The following MYH6 variants were observed in gnomAD, a reference collection of about 807,000 sequenced individuals.
MYH6 encodes myosin heavy chain 6.
A neutral mutation model predicts 223.2 loss-of-function variants in MYH6; 126 were observed. That is an observed-to-expected ratio of 0.56 (90% confidence interval 0.49 to 0.65). MYH6 has a LOEUF of 0.65. Ranked by LOEUF, MYH6 falls within the 30% of genes least tolerant of loss-of-function variation. The pLI is 0.00. For synonymous variants in MYH6, 978 were observed against 1,010.2 expected (o/e 0.97, Z 0.61); for missense variants, 2,040 against 2,536.4 (o/e 0.80, Z 4.20).
intron 33 of MYH6, 30 bp downstream of exon 33, chr14:23,386,285 C>A (rs774744693): frequency 4.0e-5 from 64 of 1,613,908 alleles, no homozygotes; most frequent in Non-Finnish European, 1.8e-5. Context: ...GGAGGCCAGT[C>A]CCCTGAGGGG....
rs1487300978 is a variant in MYH6, at chr14:23,396,726, C to A, written c.2260G>T (p.Asp754Tyr). 1 of 1,614,002 alleles carries A rather than the reference C, an allele frequency of 6.2e-7. No individual in the cohort carries two copies. Among genetic ancestry groups the A allele is most frequent in the Non-Finnish European group, 8.5e-7 (1 of 1,179,878 alleles). ...TEKLLSSLDI[D>Y]HNQYKFGHTK... Reference sequence around the variant, plus strand: ...TGGCCAAACTTGTACTGGTTGTGATCAATGTCCAGAGAGCTGAGCAGCTTC... The same window carrying A: ...TGGCCAAACTTGTACTGGTTGTGATAAATGTCCAGAGAGCTGAGCAGCTTC... Residue 754 changes from aspartate (D) to tyrosine (Y), a missense_variant, in exon 19 of 39, where the codon GAT becomes TAT. Around this residue, in one of 4 missense-constraint regions of MYH6, gnomAD observed 649 missense variants for 877.3 expected, o/e 0.74. Coordinates refer to ENST00000405093, the MANE Select transcript of MYH6 (RefSeq NM_002471.4).
At chr14:23,382,088 G>T in intron 38 of MYH6, 25 bp from the exon 39 acceptor site, 1 of 1,604,594 alleles carries the variant, frequency 6.2e-7, no homozygotes, top group Non-Finnish European at 8.5e-7. Context: ...AGAGGTGTGA[G>T]GGGGCAGCTG....
intron 36 of MYH6, 101 bp downstream of exon 36, chr14:23,384,341 A>T: frequency 6.4e-7 from 1 of 1,554,442 alleles, no homozygotes; most frequent in Non-Finnish European, 8.8e-7. Context: ...ATCTACCAAC[A>T]GCATCTCAAG....
Position 23,404,822 on chromosome 14 carries a change from C to T in MYH6, c.531G>A (p.Thr177=), listed in dbSNP as rs1891730657. The change falls in exon 7 of 39, where the codon ACG becomes ACA. Residue 177 remains threonine, a splice_region_variant and synonymous_variant. Transcript: ENST00000405093. ...CAGTCTTCCCCGCCCCGGATTCTCCCCTGGGGGCCACAGAGACCAATCAAA... is the reference window on the plus strand; with the variant it reads ...CAGTCTTCCCCGCCCCGGATTCTCCTCTGGGGGCCACAGAGACCAATCAAA... ...TDRENQSILI[T]GESGAGKTVN... The T allele has an allele frequency of 1.9e-6, 3 of 1,613,604 alleles. No individual in the cohort carries two copies. Among genetic ancestry groups the T allele is most frequent in the Non-Finnish European group, 2.5e-6 (3 of 1,179,490 alleles).
chr14:23,401,303 G>A (rs1173216696), intron 12 of MYH6, among the ~76,000 whole-genome samples: 3 of 152,248 alleles, frequency 2.0e-5, no homozygotes, highest in Non-Finnish European at 2.9e-5. Flanking sequence ...CACTGCACCT[G>A]GCCTGAGTGA....
intron 25 of MYH6, 135 bp downstream of exon 25, chr14:23,392,427 G>C: frequency 1.3e-6 from 1 of 785,838 alleles, no homozygotes; most frequent in Non-Finnish European, 2.3e-6. Context: ...CTGAGCGCCT[G>C]TAAGTCAGGG....
In MYH6 at chr14:23,389,059, GGGA is replaced by G. The variant is rs397516764; in HGVS notation, c.3979-7_3979-5del. ...CATGGGCCAGGGCGTTCTTCGCCTG[GGGA>G]GGGGGGGGGGCACCAGGAGGTGGGA... On this transcript the variant is annotated splice_polypyrimidine_tract_variant and splice_region_variant and intron_variant, in intron 28 of 38. Coordinates refer to ENST00000405093, the MANE Select transcript of MYH6 (RefSeq NM_002471.4). The G allele has an allele frequency of 4.5e-4, 701 of 1,552,634 alleles. No homozygotes were observed. The highest frequency in any genetic ancestry group is 5.7e-4 in the Non-Finnish European group (659 of 1,155,224).
intron 20 of MYH6, among the ~76,000 whole-genome samples, chr14:23,395,489 G>A (rs1283031044): frequency 2.0e-5 from 3 of 152,076 alleles, no homozygotes; most frequent in Non-Finnish European, 4.4e-5. Context: ...TTCTCTGTAG[G>A]AATGTACTCA....
Position 23,405,898 on chromosome 14 carries a change from C to T in MYH6, c.202-128G>A. The T allele has an allele frequency of 8.7e-7, 1 of 1,149,302 alleles. No homozygotes were observed. The highest frequency in any genetic ancestry group is 1.3e-6 in the Non-Finnish European group (1 of 772,572). 71.2% of individuals were successfully genotyped at this position (1,149,302 alleles called of 1,614,324 possible). On this transcript the variant is annotated intron_variant, in intron 3 of 38. Transcript: ENST00000405093. This position sits in a 1 kb window ranked among gnomAD's most constrained non-coding sequence, Gnocchi z 4.7. ...TGCTCCCCTTGCTCTGACCAGTGCC[C>T]CGGCCCCTACCCCGATGTCCCCTGG...
At chr14:23,397,715 G>T in intron 15 of MYH6, 102 bp from the exon 16 acceptor site, 1 of 1,192,016 alleles carries the variant, frequency 8.4e-7, no homozygotes, top group South Asian at 1.2e-5. Flanking sequence ...TGAGACTTTG[G>T]GCAAGGAATT....
rs1472867970 is a variant in MYH6, at chr14:23,405,896, C to A, written c.202-126G>T. 4 of 1,195,772 alleles carry A rather than the reference C, an allele frequency of 3.3e-6. No homozygotes were observed. The highest frequency in any genetic ancestry group is 4.9e-6 in the Non-Finnish European group (4 of 812,926). 74.1% of individuals were successfully genotyped at this position (1,195,772 alleles called of 1,614,324 possible). On this transcript the variant is annotated intron_variant, in intron 3 of 38. Transcript: ENST00000405093. This position sits in a 1 kb window ranked among gnomAD's most constrained non-coding sequence, Gnocchi z 4.7. The stretch of plus-strand genomic sequence containing the variant: ...CTTGCTCCCCTTGCTCTGACCAGTG[C>A]CCCGGCCCCTACCCCGATGTCCCCT...
chr14:23,398,587 G>T, intron 15 of MYH6, 141 bp downstream of exon 15: 1 of 912,476 alleles, frequency 1.1e-6, no homozygotes, highest in Non-Finnish European at 1.8e-6. Flanking sequence ...CAGCTGGACT[G>T]TGGTGAGGTG....
chr14:23,392,798 C>T (rs1234533659), intron 24 of MYH6, 114 bp downstream of exon 24: 46 of 1,521,816 alleles, frequency 3.0e-5, no homozygotes, highest in Non-Finnish European at 4.0e-5. Flanking sequence ...CTGTGATTGA[C>T]CTTATTCCCA....
intron 3 of MYH6, among the ~76,000 whole-genome samples, chr14:23,406,263 C>A (rs551896947): frequency 1.3e-5 from 2 of 152,336 alleles, no homozygotes; most frequent in African/African-American, 4.8e-5. Flanking sequence ...TGATTGGCAG[C>A]AGTCAGTTTG....
chr14:23,383,339 G>GGGGGGGGGGGGGGGCCCCCCCCCC lies in MYH6; in HGVS notation c.5566-20_5566-19insGGGGGGGGGGCCCCCCCCCCCCCC. ...CCTCTGTCTGGGGGTGGGAGGGTGG[G>GGGGGGGGGGGGGGGCCCCCCCCCC]AGAAGCTGGTTTGGAGGGGGAGCAA... On this transcript the variant is annotated intron_variant, in intron 36 of 38. Transcript: ENST00000405093. The GGGGGGGGGGGGGGGCCCCCCCCCC allele has an allele frequency of 1.8e-5, 2 of 108,186 alleles. No individual in the cohort carries two copies. Among genetic ancestry groups the GGGGGGGGGGGGGGGCCCCCCCCCC allele is most frequent in the East Asian group, 2.3e-4 (1 of 4,408 alleles). The allele number at this position is 108,186 out of a possible 1,614,324, so 6.7% of individuals were successfully genotyped here. A position where few individuals can be genotyped will look rare whatever the true frequency, so the allele number is the denominator to read the frequency against.
intron 25 of MYH6, 67 bp from the exon 26 acceptor site, chr14:23,390,513 A>G: frequency 6.3e-7 from 1 of 1,575,228 alleles, no homozygotes; most frequent in East Asian, 2.3e-5. Context: ...CCCGGCTCTG[A>G]AAAGCTACCA....
chr14:23,385,392 T>C (rs755914710), intron 34 of MYH6, among the ~76,000 whole-genome samples: 4 of 150,966 alleles, frequency 2.6e-5, no homozygotes, highest in Non-Finnish European at 4.4e-5. Flanking sequence ...TTTATAGCTA[T>C]ACCAAGAATG....
At chr14:23,404,987 G>T in intron 6 of MYH6, 113 bp downstream of exon 6, 1 of 1,548,714 alleles carries the variant, frequency 6.5e-7, no homozygotes, top group Non-Finnish European at 8.9e-7. Flanking sequence ...AGAGCTCAGT[G>T]CCCCATGCTC....
rs112883817 is a variant in MYH6 at position 23,390,238 on chromosome 14, G to A, written c.3551C>T (p.Thr1184Met). Residue 1184 changes from threonine (T) to methionine (M), a missense_variant, in exon 26 of 39, where the codon ACG becomes ATG. Coordinates refer to ENST00000405093, the MANE Select transcript of MYH6 (RefSeq NM_002471.4). Reference protein sequence around the residue: ...QKMRRDLEEATLQHEATAAAL... With the variant: ...QKMRRDLEEAMLQHEATAAAL... ...CGCGGCAGTGGCCTCGTGCTGCAGCGTGGCCTCCTCCAGGTCCCGCCGCAT... is the reference window on the plus strand; with the variant it reads ...CGCGGCAGTGGCCTCGTGCTGCAGCATGGCCTCCTCCAGGTCCCGCCGCAT... The A allele has an allele frequency of 2.8e-5, 45 of 1,583,952 alleles. No homozygotes were observed. The highest frequency in any genetic ancestry group is 3.7e-5 in the Non-Finnish European group (43 of 1,161,960).
Sources: allele counts gnomAD v4.1 joint callset (sites outside exome capture counted in the v4.1 genomes callset), GRCh38; gene constraint gnomAD v4.1.1; regional missense constraint gnomAD v4.1.1; non-coding constraint Gnocchi (gnomAD v3.1); transcripts MANE v1.5; gene names NCBI Gene and HGNC (gene_info 2026-07-23, HGNC 2026-07-21).